DCAF13: variants seen among roughly 807,000 people sequenced by gnomAD.
DCAF13 encodes DDB1- and CUL4-associated factor 13.
Under a neutral mutation model 59.0 loss-of-function variants are expected in DCAF13, and 38 were observed. The observed-to-expected ratio is 0.64, with a 90% CI of 0.50 to 0.84. DCAF13 has a LOEUF of 0.84. DCAF13 is among the 40% of genes least tolerant of loss of function. The probability of loss-of-function intolerance (pLI) is 0.00; values close to 1 mark genes in which losing one functional copy is unlikely to be tolerated. For missense variants in DCAF13, 469 were observed against 558.4 expected (o/e 0.84, Z 1.61); for synonymous variants, 173 against 175.0 (o/e 0.99, Z 0.09).
chr8:103,426,707 A>G (rs751665235), intron 4 of DCAF13, among the ~76,000 whole-genome samples: 39 of 152,310 alleles, frequency 2.6e-4, no homozygotes, highest in Non-Finnish European at 5.0e-4. Flanking sequence ...CAATTCCAAA[A>G]TTAGATTTAA....
rs751224801 is a variant in DCAF13 at position 103,420,341 on chromosome 8, C to T, written c.148C>T (p.Leu50=). 1 of 1,614,176 alleles carries T rather than the reference C, an allele frequency of 6.2e-7. No homozygotes were observed. Among genetic ancestry groups the T allele is most frequent in the Non-Finnish European group, 8.5e-7 (1 of 1,180,028 alleles). ...EYIRALNATK[L]ERVFAKPFLA... ...TATAAGAGCTTTAAATGCTACCAAA[C>T]TGGAACGAGTATTTGCAAAACCATT... is the stretch of plus-strand genomic sequence containing the variant. Residue 50 remains leucine, a synonymous_variant, in exon 2 of 11, where the codon CTG becomes TTG. Coordinates refer to ENST00000612750, the MANE Select transcript of DCAF13 (RefSeq NM_015420.7).
chr8:103,416,944 A>G (rs1013855116), intron 1 of DCAF13, among the ~76,000 whole-genome samples: 4 of 152,372 alleles, frequency 2.6e-5, no homozygotes, highest in East Asian at 1.9e-4. Flanking sequence ...ATCAGAGTAG[A>G]TAGAAATTTT....
chr8:103,441,321 T>A, intron 9 of DCAF13, 134 bp from the exon 10 acceptor site: 1 of 707,736 alleles, frequency 1.4e-6, no homozygotes, highest in Non-Finnish European at 2.3e-6. Context: ...CCTTGTAAAG[T>A]GCAGAATTAC....
Position 103,415,434 on chromosome 8 carries a change from A to G in DCAF13, c.-13A>G. On this transcript the variant is annotated 5_prime_UTR_variant, in exon 1 of 11. Transcript: ENST00000612750. The stretch of plus-strand genomic sequence containing the variant: ...CGGACACCTCGTGGAGTCCGGCCGG[A>G]AGAGCAACCGAGATGAAGGTGAAGA... The G allele has an allele frequency of 1.2e-6, 2 of 1,614,120 alleles. No individual in the cohort carries two copies. Among genetic ancestry groups the G allele is most frequent in the Non-Finnish European group, 1.7e-6 (2 of 1,180,022 alleles).
chr8:103,437,937 A>T (rs1816953754), intron 8 of DCAF13, among the ~76,000 whole-genome samples: 1 of 152,194 alleles, frequency 6.6e-6, no homozygotes, highest in African/African-American at 2.4e-5. Context: ...GTATATAAAG[A>T]ATTTAAGCCT....
At chr8:103,440,061 G>A in intron 8 of DCAF13, 75 bp from the exon 9 acceptor site, 1 of 1,200,530 alleles carries the variant, frequency 8.3e-7, no homozygotes, top group Non-Finnish European at 1.1e-6. Flanking sequence ...ATAGTATCCT[G>A]ATACTTAATA....
At position 103,426,163 on chromosome 8, in the gene DCAF13, C is replaced by G; in HGVS notation, c.468+18C>G. ...TAGGAAAGGTACAAAAGTAAATTGACTAATAGCTTGCCTATTAACATTCTT... is the reference window on the plus strand; with the variant it reads ...TAGGAAAGGTACAAAAGTAAATTGAGTAATAGCTTGCCTATTAACATTCTT... On this transcript the variant is annotated intron_variant, in intron 4 of 10. Coordinates refer to ENST00000612750, the MANE Select transcript of DCAF13 (RefSeq NM_015420.7). The G allele has an allele frequency of 6.9e-7, 1 of 1,439,342 alleles. No individual in the cohort carries two copies. Among genetic ancestry groups the G allele is most frequent in the South Asian group, 1.2e-5 (1 of 82,064 alleles). The allele number at this position is 1,439,342 out of a possible 1,614,324, so 89.2% of individuals were successfully genotyped here. A position where few individuals can be genotyped will look rare whatever the true frequency, so the allele number is the denominator to read the frequency against.
chr8:103,425,600 AT>A (rs1205885081), intron 3 of DCAF13, among the ~76,000 whole-genome samples: 9 of 152,122 alleles, frequency 5.9e-5, no homozygotes, highest in African/African-American at 2.2e-4. Flanking sequence ...GACTTTATCT[AT>A]TTCAATATTA....
At chr8:103,431,305 A>G (rs1462638496) in intron 6 of DCAF13, among the ~76,000 whole-genome samples, 3 of 152,226 alleles carry the variant, frequency 2.0e-5, no homozygotes, top group Non-Finnish European at 4.4e-5. Context: ...AAGGAGTGCC[A>G]TTGTAAGTAA....
In DCAF13 at chr8:103,420,435, C is replaced by G; in HGVS notation, c.242C>G (p.Thr81Ser). The G allele has an allele frequency of 6.2e-7, 1 of 1,613,956 alleles. No homozygotes were observed. Among genetic ancestry groups the G allele is most frequent in the Non-Finnish European group, 8.5e-7 (1 of 1,179,934 alleles). ...GCAAAGCATCCAGAGAAGCTGGCTA[C>G]TGTCCTTTCTGGGGCGTGTGATGGA... ...CLAKHPEKLA[T>S]VLSGACDGEV... is the part of the protein sequence containing the mutation. The change falls in exon 2 of 11, where the codon ACT becomes AGT. Residue 81 changes from threonine to serine, a missense_variant. By Grantham distance (58) the Thr-to-Ser change is moderately conservative. Around this residue, in one of 3 missense-constraint regions of DCAF13, gnomAD observed 355 missense variants for 399.1 expected, o/e 0.89. Coordinates refer to ENST00000612750, the MANE Select transcript of DCAF13 (RefSeq NM_015420.7).
chr8:103,429,599 A>G (rs576816720), intron 5 of DCAF13: 23 of 152,364 alleles, frequency 1.5e-4, no homozygotes, highest in African/African-American at 4.1e-4. Context: ...TGTGAGTACC[A>G]TGCACATTTA....
chr8:103,433,600 A>G (rs1044512483), intron 7 of DCAF13, among the ~76,000 whole-genome samples: 2 of 152,110 alleles, frequency 1.3e-5, no homozygotes, highest in Non-Finnish European at 2.9e-5. Context: ...GTGTTAGCTC[A>G]TAAAAGGATT....
chr8:103,422,906 G>A (rs1332038690), intron 3 of DCAF13, among the ~76,000 whole-genome samples: 1 of 152,140 alleles, frequency 6.6e-6, no homozygotes, highest in African/African-American at 2.4e-5. Flanking sequence ...CAATTTGAAA[G>A]ATTGTCATGT....
At chr8:103,420,904 T>C in intron 2 of DCAF13, 71 bp from the exon 3 acceptor site, 1 of 1,095,622 alleles carries the variant, frequency 9.1e-7, no homozygotes, top group South Asian at 1.3e-5. Flanking sequence ...CGTAGCCTTG[T>C]CAGTGTTGAA....
In DCAF13 at chr8:103,426,133, A is replaced by G; in HGVS notation, c.456A>G (p.Thr152=). The stretch of plus-strand genomic sequence containing the variant: ...GAGACGAGGAAGAGCCATTACATAC[A>G]ATATTAGGAAAGGTACAAAAGTAAA... ...GYGDEEEPLH[T]ILGKTVYTGI... is the part of the protein sequence containing the mutation. Residue 152 remains threonine, a synonymous_variant, in exon 4 of 11, where the codon ACA becomes ACG. Coordinates refer to ENST00000612750, the MANE Select transcript of DCAF13 (RefSeq NM_015420.7). 1 of 1,606,554 alleles carries G rather than the reference A, an allele frequency of 6.2e-7. No homozygotes were observed. The highest frequency in any genetic ancestry group is 8.5e-7 in the Non-Finnish European group (1 of 1,174,954).
chr8:103,421,951 T>A (rs1367210278), intron 3 of DCAF13, among the ~76,000 whole-genome samples: 1 of 152,214 alleles, frequency 6.6e-6, no homozygotes, highest in Non-Finnish European at 1.5e-5. Flanking sequence ...CAATTCAAGT[T>A]CATTGAAAGT....
intron 8 of DCAF13, 139 bp from the exon 9 acceptor site, chr8:103,439,997 A>G: frequency 7.9e-6 from 5 of 632,512 alleles, no homozygotes; most frequent in African/African-American, 1.9e-5. Context: ...GGTTCAATAA[A>G]AATACATTGA....
At chr8:103,427,073 C>A (rs766465691) in intron 4 of DCAF13, 24 bp from the exon 5 acceptor site, 6 of 1,562,804 alleles carry the variant, frequency 3.8e-6, no homozygotes, top group South Asian at 1.2e-5. Context: ...GAAAAAAATC[C>A]TCTTAACCTT....
chr8:103,427,354 G>T, intron 5 of DCAF13, 102 bp downstream of exon 5: 2 of 1,062,360 alleles, frequency 1.9e-6, no homozygotes, highest in South Asian at 1.6e-5. Context: ...GAATTTTAAT[G>T]GTGTTTTGGC....
Sources: allele counts gnomAD v4.1 joint callset (sites outside exome capture counted in the v4.1 genomes callset), GRCh38; gene constraint gnomAD v4.1.1; regional missense constraint gnomAD v4.1.1; transcripts MANE v1.5; gene names NCBI Gene and HGNC (gene_info 2026-07-23, HGNC 2026-07-21).